DNAH3: variants seen among roughly 807,000 people sequenced by gnomAD.
DNAH3 encodes the protein dynein axonemal heavy chain 3.
Under a neutral mutation model 432.5 loss-of-function variants are expected in DNAH3, and 332 were observed. That is an observed-to-expected ratio of 0.77 (90% confidence interval 0.70 to 0.84). DNAH3 has a LOEUF of 0.84. DNAH3 is among the 40% of genes least tolerant of loss of function. The pLI, the probability that DNAH3 is intolerant of heterozygous loss-of-function variation, is 0.00. For synonymous variants in DNAH3, 1,956 were observed against 1,900.2 expected, an observed-to-expected ratio of 1.03 and a Z score of -0.76; for missense variants, 4,861 against 5,114.0, an observed-to-expected ratio of 0.95 and a Z score of 1.51.
At chr16:20,934,375 G>C (rs2083514705) in intron 61 of DNAH3, among the ~76,000 whole-genome samples, 1 of 152,138 alleles carries the variant, frequency 6.6e-6, no homozygotes, top group African/African-American at 2.4e-5. Flanking sequence ...TGAACATATT[G>C]TAAGCCAAAA....
intron 51 of DNAH3, among the ~76,000 whole-genome samples, chr16:20,971,941 G>GA (rs901458909): frequency 7.2e-5 from 11 of 152,324 alleles, no homozygotes; most frequent in Non-Finnish European, 1.3e-4. Context: ...TTTTGTAGAT[G>GA]AAGAAACTGA....
At chr16:21,032,412 T>G (rs2088931173) in intron 36 of DNAH3, among the ~76,000 whole-genome samples, 1 of 152,138 alleles carries the variant, frequency 6.6e-6, no homozygotes, top group Non-Finnish European at 1.5e-5. Flanking sequence ...TACAGGCTGA[T>G]GGATGGCACA....
At chr16:21,149,097 C>T (rs540704568) in intron 1 of DNAH3, among the ~76,000 whole-genome samples, 15 of 151,912 alleles carry the variant, frequency 9.9e-5, no homozygotes, top group East Asian at 1.9e-4. Context: ...CAGGCGGTGG[C>T]GCACACCTGT....
At chr16:21,062,993 A>G (rs2090416205) in intron 24 of DNAH3, 1 of 273,716 alleles carries the variant, frequency 3.7e-6, no homozygotes, top group Non-Finnish European at 6.9e-6. Context: ...CAGCTTGGAG[A>G]TGGTTTTGAC....
chr16:20,985,144 G>A, exon 48 of DNAH3: 1 of 1,614,238 alleles, frequency 6.2e-7, no homozygotes, highest in Non-Finnish European at 8.5e-7. Flanking sequence ...GGTCCTGGCT[G>A]CAGTCTGCAT....
chr16:21,116,144 T>C (rs574642071), intron 12 of DNAH3, among the ~76,000 whole-genome samples: 1 of 152,352 alleles, frequency 6.6e-6, no homozygotes, highest in Admixed American at 6.5e-5. Flanking sequence ...TCCAGGTTTA[T>C]ACCTGTTGTC....
At chr16:20,944,799 A>C (rs2083971884) in intron 57 of DNAH3, 136 bp from the exon 58 acceptor site, 3 of 814,270 alleles carry the variant, frequency 3.7e-6, no homozygotes, top group African/African-American at 3.4e-5. Context: ...ACACACACAC[A>C]CACGCTGGGA....
chr16:21,086,630 T>TG (rs1453449886), intron 19 of DNAH3, among the ~76,000 whole-genome samples: 2 of 152,106 alleles, frequency 1.3e-5, no homozygotes, highest in African/African-American at 2.4e-5. Flanking sequence ...CCACGACCAA[T>TG]GGGGGTTCCA....
At chr16:21,108,505 A>C (rs1446744817) in intron 14 of DNAH3, among the ~76,000 whole-genome samples, 1 of 152,058 alleles carries the variant, frequency 6.6e-6, no homozygotes, top group Non-Finnish European at 1.5e-5. Flanking sequence ...GCAGTTTGGG[A>C]AGCTGAAGTG....
At chr16:20,952,514 G>A in exon 56 of DNAH3, 1 of 1,613,156 alleles carries the variant, frequency 6.2e-7, no homozygotes, top group East Asian at 2.2e-5. Context: ...CTAATCCTCA[G>A]GTCAGATTCG....
At position 20,966,014 on chromosome 16, in the gene DNAH3, A is replaced by ATTTTTT. The variant is rs555983378; in HGVS notation, c.8459-595_8459-590dup. Among the ~76,000 whole-genome samples the ATTTTTT allele has an allele frequency of 2.3e-3, 111 of 48,378 alleles. 15 individuals carry two copies. Among genetic ancestry groups the ATTTTTT allele is most frequent in the Non-Finnish European group, 3.0e-3 (75 of 24,922 alleles). The allele number at this position is 48,378 out of a possible 152,430, so 31.7% of individuals were successfully genotyped here. On this transcript the variant is annotated intron_variant, in intron 52 of 61. Coordinates refer to ENST00000261383, the Ensembl canonical transcript of DNAH3. ...AGGCCTGAGCCACCATGCCCAGCCAATTTTTTTTTTTTTTTTTTTTTTTTT... is the reference window on the plus strand; with the variant it reads ...AGGCCTGAGCCACCATGCCCAGCCAATTTTTTTTTTTTTTTTTTTTTTTTTTTTTTT...
At chr16:21,118,446 T>G (rs761388479) in intron 11 of DNAH3, among the ~76,000 whole-genome samples, 14 of 151,244 alleles carry the variant, frequency 9.3e-5, no homozygotes, top group South Asian at 2.1e-4. Context: ...TTTATTTATT[T>G]TTTTAAAGAG....
chr16:21,096,690 A>G (rs1388414684), intron 18 of DNAH3, among the ~76,000 whole-genome samples: 1 of 151,978 alleles, frequency 6.6e-6, no homozygotes, highest in African/African-American at 2.4e-5. Flanking sequence ...TTCCCAACAA[A>G]TCTGTCACTT....
intron 54 of DNAH3, 53 bp from the exon 55 acceptor site, chr16:20,955,110 A>G: frequency 6.7e-7 from 1 of 1,500,986 alleles, no homozygotes; most frequent in Non-Finnish European, 8.9e-7. Context: ...GTTATAGTGA[A>G]AAGCAACAAC....
exon 53 of DNAH3, chr16:20,965,313 C>T (rs370141006): frequency 1.2e-6 from 2 of 1,612,438 alleles, no homozygotes; most frequent in East Asian, 2.2e-5. Context: ...CCCGGATCCG[C>T]TTCATGGTCA....
At chr16:21,153,816 C>G (rs752511395) in intron 1 of DNAH3, among the ~76,000 whole-genome samples, 1 of 152,232 alleles carries the variant, frequency 6.6e-6, no homozygotes, top group Non-Finnish European at 1.5e-5. Flanking sequence ...CAAGAACCTA[C>G]GAATTCCAGA....
chr16:21,094,620 G>A lies in DNAH3; in HGVS notation c.2665+2735C>T, dbSNP rs151240309. ...CAGGAGGCGGAGGCTGCAGTGAGCCGAGATCACACCACTGTACAAAGTATG... is the reference window on the plus strand; with the variant it reads ...CAGGAGGCGGAGGCTGCAGTGAGCCAAGATCACACCACTGTACAAAGTATG... On this transcript the variant is annotated intron_variant, in intron 18 of 61. Coordinates refer to ENST00000261383, the Ensembl canonical transcript of DNAH3. Among the ~76,000 whole-genome samples, 751 of 150,168 alleles carry A rather than the reference G, an allele frequency of 5.0e-3. 5 individuals are homozygous for A. The highest frequency in any genetic ancestry group is 0.017 in the African/African-American group (690 of 40,828).
intron 52 of DNAH3, among the ~76,000 whole-genome samples, chr16:20,967,458 A>G (rs901286875): frequency 4.1e-5 from 6 of 146,372 alleles, no homozygotes; most frequent in Admixed American, 1.4e-4. Flanking sequence ...GACCAATGGA[A>G]TGAGACTCTC....
intron 40 of DNAH3, among the ~76,000 whole-genome samples, chr16:21,020,348 G>GTGTGTGTGTATATATATATATATA: frequency 1.0e-4 from 7 of 69,158 alleles, no homozygotes; most frequent in African/African-American, 3.8e-4. Flanking sequence ...TATAGTGTGT[G>GTGTGTGTGTATATATATATATATA]TATATATATA....
Sources: allele counts gnomAD v4.1 joint callset (sites outside exome capture counted in the v4.1 genomes callset), GRCh38; gene constraint gnomAD v4.1.1; transcripts MANE v1.5; gene names NCBI Gene and HGNC (gene_info 2026-07-23, HGNC 2026-07-21).